MLLT10: variants seen among roughly 807,000 people sequenced by gnomAD.
MLLT10 encodes protein AF-10.
Under a neutral mutation model 129.1 loss-of-function variants are expected in MLLT10, and 30 were observed. That is an observed-to-expected ratio of 0.23 (90% CI 0.17 to 0.32). MLLT10 has a LOEUF of 0.32. Ranked by LOEUF, MLLT10 falls within the 10% of genes least tolerant of loss-of-function variation. The probability of loss-of-function intolerance (pLI) is 1.00; values close to 1 mark genes in which losing one functional copy is unlikely to be tolerated. For missense variants in MLLT10, 1,119 were observed against 1,268.3 expected, an observed-to-expected ratio of 0.88 and a Z score of 1.79; for synonymous variants, 490 against 446.4, an observed-to-expected ratio of 1.10 and a Z score of -1.23.
chr10:21,550,377 T>TC (rs953604905), intron 3 of MLLT10, among the ~76,000 whole-genome samples: 2 of 152,180 alleles, frequency 1.3e-5, no homozygotes, highest in African/African-American at 4.8e-5. Context: ...ATGACATGGA[T>TC]CCTTATCAGC....
chr10:21,688,329 A>G (rs2053502113), intron 13 of MLLT10, among the ~76,000 whole-genome samples: 2 of 152,108 alleles, frequency 1.3e-5, no homozygotes, highest in Non-Finnish European at 2.9e-5. Context: ...AGAGCACTGC[A>G]ATTTTTTAAA....
intron 8 of MLLT10, among the ~76,000 whole-genome samples, chr10:21,631,077 G>T (rs1366309395): frequency 6.6e-6 from 1 of 152,140 alleles, no homozygotes; most frequent in African/African-American, 2.4e-5. Flanking sequence ...TGGGGAGGCC[G>T]AGGTGGGCGG....
At chr10:21,676,858 A>C (rs2052216136) in intron 11 of MLLT10, among the ~76,000 whole-genome samples, 1 of 152,024 alleles carries the variant, frequency 6.6e-6, no homozygotes. Flanking sequence ...ATGTTAATAA[A>C]CATTTTAGGA....
chr10:21,590,835 GC>G (rs1177467021), intron 4 of MLLT10, among the ~76,000 whole-genome samples: 1 of 151,314 alleles, frequency 6.6e-6, no homozygotes, highest in Non-Finnish European at 1.5e-5. Flanking sequence ...AATTTTTTTT[GC>G]CATCTCCCTG....
At chr10:21,626,528 G>C (rs2046455803) in intron 8 of MLLT10, among the ~76,000 whole-genome samples, 1 of 152,148 alleles carries the variant, frequency 6.6e-6, no homozygotes, top group African/African-American at 2.4e-5. Context: ...ATACATTCAT[G>C]AGGGTAGTAG....
chr10:21,540,750 C>A (rs1216430438), intron 3 of MLLT10, among the ~76,000 whole-genome samples: 2 of 152,108 alleles, frequency 1.3e-5, no homozygotes, highest in African/African-American at 2.4e-5. Flanking sequence ...AAATTCCTTT[C>A]CCTTGGTGTT....
At chr10:21,705,562 G>A (rs1425010581) in intron 13 of MLLT10, among the ~76,000 whole-genome samples, 1 of 152,188 alleles carries the variant, frequency 6.6e-6, no homozygotes, top group African/African-American at 2.4e-5. Flanking sequence ...CCAGGGCCAT[G>A]TTAGTGGAGG....
intron 4 of MLLT10, among the ~76,000 whole-genome samples, chr10:21,592,593 A>G (rs2042615351): frequency 6.6e-6 from 1 of 152,054 alleles, no homozygotes; most frequent in African/African-American, 2.4e-5. Flanking sequence ...CGTAGCTGGG[A>G]CTACAGGCGC....
chr10:21,614,717 TAGGAGA>T, intron 6 of MLLT10, 108 bp from the exon 7 acceptor site: 1 of 728,278 alleles, frequency 1.4e-6, no homozygotes, highest in Non-Finnish European at 2.1e-6. Flanking sequence ...ATTTTTTTCT[TAGGAGA>T]TGTTATTTTC....
intron 8 of MLLT10, among the ~76,000 whole-genome samples, chr10:21,641,113 C>G (rs1205310356): frequency 1.3e-5 from 2 of 152,150 alleles, no homozygotes; most frequent in African/African-American, 2.4e-5. Flanking sequence ...CATGTAACTG[C>G]AAAGGATGCT....
intron 3 of MLLT10, among the ~76,000 whole-genome samples, chr10:21,559,169 C>T (rs369481681): frequency 6.6e-6 from 1 of 152,132 alleles, no homozygotes; most frequent in South Asian, 2.1e-4. Context: ...CTGCAGCCTC[C>T]GACTCCTGGA....
At chr10:21,624,639 TATTGTAACCATA>T (rs2046244776) in intron 8 of MLLT10, 2 of 1,461,178 alleles carry the variant, frequency 1.4e-6, no homozygotes, top group East Asian at 4.8e-5. Context: ...TGGTTGTCAT[TATTGTAACCATA>T]GTTACCAGAA....
At chr10:21,550,596 A>T (rs1351104001) in intron 3 of MLLT10, among the ~76,000 whole-genome samples, 1 of 152,126 alleles carries the variant, frequency 6.6e-6, no homozygotes, top group Non-Finnish European at 1.5e-5. Flanking sequence ...CAGTGATGCA[A>T]TCTCAGCTCA....
At chr10:21,717,324 T>G (rs1286052793) in intron 14 of MLLT10, among the ~76,000 whole-genome samples, 1 of 133,696 alleles carries the variant, frequency 7.5e-6, no homozygotes, top group Admixed American at 8.7e-5. Flanking sequence ...GAAGGGCTAG[T>G]AGAAGTTAAA....
At chr10:21,693,476 C>T (rs535302346) in intron 13 of MLLT10, among the ~76,000 whole-genome samples, 1 of 151,580 alleles carries the variant, frequency 6.6e-6, no homozygotes, top group South Asian at 2.1e-4. Context: ...TGAAAACAAC[C>T]CCTCCACAGA....
intron 3 of MLLT10, among the ~76,000 whole-genome samples, chr10:21,547,507 A>C (rs929054010): frequency 2.0e-5 from 3 of 147,978 alleles, no homozygotes; most frequent in Non-Finnish European, 4.5e-5. Context: ...AGTAGCTGGA[A>C]TTACTCCATC....
chr10:21,726,134 T>C, intron 14 of MLLT10, 110 bp from the exon 15 acceptor site: 1 of 714,290 alleles, frequency 1.4e-6, no homozygotes. Flanking sequence ...GTCACAAATT[T>C]TGCTTATATT....
chr10:21,718,054 A>T (rs2131536085), intron 14 of MLLT10, among the ~76,000 whole-genome samples: 1 of 152,156 alleles, frequency 6.6e-6, no homozygotes, highest in South Asian at 2.1e-4. Flanking sequence ...CATGTTGGTC[A>T]GGCTGGTCTC....
At chr10:21,564,469 CT>C (rs2039285038) in intron 3 of MLLT10, 1 of 143,656 alleles carries the variant, frequency 7.0e-6, no homozygotes, top group Admixed American at 6.9e-5. Flanking sequence ...TTTTTTTTTT[CT>C]TTTAATATGG....
Sources: gnomAD v4.1 joint callset for allele counts (sites outside exome capture counted in the v4.1 genomes callset) on GRCh38, gnomAD v4.1.1 for gene constraint, MANE v1.5 for transcripts, NCBI Gene and HGNC (gene_info 2026-07-23, HGNC 2026-07-21) for gene names.